MYO1F: variants seen among roughly 807,000 people sequenced by gnomAD.
The protein encoded by MYO1F is myosin IF.
A neutral mutation model predicts 146.6 loss-of-function variants in MYO1F; 60 were observed. That is an observed-to-expected ratio of 0.41 (90% CI 0.33 to 0.51). The LOEUF is 0.51. Ranked by LOEUF, MYO1F falls within the 20% of genes least tolerant of loss-of-function variation. The probability of loss-of-function intolerance (pLI) is 0.25; values close to 1 mark genes in which losing one functional copy is unlikely to be tolerated. For synonymous variants in MYO1F, 602 were observed against 602.1 expected (o/e 1.00, Z 0.00); for missense variants, 1,274 against 1,534.3 (o/e 0.83, Z 2.83).
intron 1 of MYO1F, among the ~76,000 whole-genome samples, chr19:8,570,047 C>T (rs2042080020): frequency 1.3e-5 from 2 of 151,992 alleles, no homozygotes; most frequent in African/African-American, 2.4e-5. Flanking sequence ...GCTGGGACCA[C>T]AGGTGCATAC....
intron 16 of MYO1F, among the ~76,000 whole-genome samples, chr19:8,537,653 T>G (rs188053696): frequency 4.5e-4 from 68 of 152,186 alleles, no homozygotes; most frequent in African/African-American, 1.6e-3. Flanking sequence ...AGGCTGGTCA[T>G]GAACTCCTGA....
Position 8,550,594 on chromosome 19 carries a change from T to A in MYO1F, c.872A>T (p.Asp291Val), listed in dbSNP as rs1165114478. 6.2e-7 allele frequency: 1 copy of A among 1,614,106 alleles called. No individual in the cohort carries two copies. The highest frequency in any genetic ancestry group is 1.7e-5 in the Admixed American group (1 of 60,006). The change falls in exon 9 of 28, where the codon GAC (aspartate) becomes GTC (valine). Residue 291 changes from aspartate (D) to valine (V), a missense_variant. Physicochemically the swap from Asp to Val is radical, Grantham distance 152. Transcript: ENST00000644032. ...ACTCTCCACTCGGGCGTAATTCCCGTCTTCACAGAAACTGATGTTCCCCAG... is the reference window on the plus strand; with the variant it reads ...ACTCTCCACTCGGGCGTAATTCCCGACTTCACAGAAACTGATGTTCCCCAG... ...LHLGNISFCE[D>V]GNYARVESVD...
At chr19:8,552,237 T>C in intron 6 of MYO1F, 73 bp from the exon 7 acceptor site, 1 of 1,503,772 alleles carries the variant, frequency 6.6e-7, no homozygotes, top group Non-Finnish European at 9.2e-7. Context: ...GGGATGGGTC[T>C]TATGAGCCTT....
chr19:8,556,016 A>T (rs1011819269), intron 1 of MYO1F, among the ~76,000 whole-genome samples: 2 of 146,854 alleles, frequency 1.4e-5, no homozygotes, highest in African/African-American at 5.0e-5. Context: ...ATTTTTTTTT[A>T]ATTTTTAATT....
chr19:8,567,855 A>G (rs1380910957), intron 1 of MYO1F, among the ~76,000 whole-genome samples: 1 of 151,990 alleles, frequency 6.6e-6, no homozygotes, highest in Non-Finnish European at 1.5e-5. Context: ...CATGTCTACA[A>G]TTTCCCCTTT....
chr19:8,566,270 C>G (rs539831155), intron 1 of MYO1F, among the ~76,000 whole-genome samples: 4 of 148,526 alleles, frequency 2.7e-5, no homozygotes, highest in African/African-American at 9.9e-5. Context: ...CGGGTTCACG[C>G]CATTCTCCTG....
chr19:8,522,152 A>G (rs1418295285), intron 27 of MYO1F, among the ~76,000 whole-genome samples: 1 of 150,228 alleles, frequency 6.7e-6, no homozygotes, highest in Non-Finnish European at 1.5e-5. Flanking sequence ...CCTCCCGAGT[A>G]GCTGGGACTA....
chr19:8,570,372 ATT>A (rs374201524), intron 1 of MYO1F, among the ~76,000 whole-genome samples: 1 of 143,594 alleles, frequency 7.0e-6, no homozygotes, highest in African/African-American at 2.6e-5. Flanking sequence ...ACCCAGCCAC[ATT>A]TTTTTTTTTA....
At chr19:8,534,212 G>A (rs117378928) in intron 19 of MYO1F, among the ~76,000 whole-genome samples, 1 of 151,688 alleles carries the variant, frequency 6.6e-6, no homozygotes, top group Non-Finnish European at 1.5e-5. Context: ...CAACATGAAT[G>A]CATTTTTGGT....
At chr19:8,531,573 C>T (rs12462590) in intron 19 of MYO1F, among the ~76,000 whole-genome samples, 3,514 of 152,170 alleles carry the variant, frequency 0.023, 116 homozygotes, top group East Asian at 0.12. Flanking sequence ...TTATCTTCCT[C>T]CAAATGACTG....
At chr19:8,543,648 GTGGTGC>G (rs1248544501) in intron 14 of MYO1F, among the ~76,000 whole-genome samples, 3 of 142,022 alleles carry the variant, frequency 2.1e-5, no homozygotes, top group African/African-American at 8.1e-5. Flanking sequence ...GGTGGTGGTG[GTGGTGC>G]TGGTGGTGGT....
intron 27 of MYO1F, 63 bp from the exon 28 acceptor site, chr19:8,521,667 G>T: frequency 2.0e-6 from 3 of 1,492,254 alleles, no homozygotes; most frequent in Non-Finnish European, 2.8e-6. Context: ...CTCATGCCTG[G>T]TCTGTCCATC....
chr19:8,568,443 AAATT>A (rs2042048902), intron 1 of MYO1F, among the ~76,000 whole-genome samples: 1 of 151,300 alleles, frequency 6.6e-6, no homozygotes, highest in Non-Finnish European at 1.5e-5. Flanking sequence ...AAAAAAAAAA[AAATT>A]AATCACAGGC....
At position 8,543,948 on chromosome 19, in the gene MYO1F, CTGGTGGTGG is replaced by C. The variant is rs202093600; in HGVS notation, c.1524+340_1524+348del. 131 of 59,718 alleles carry C rather than the reference CTGGTGGTGG, an allele frequency of 2.2e-3. 4 individuals carry two copies. Among genetic ancestry groups the C allele is most frequent in the East Asian group, 0.017 (35 of 2,064 alleles). The allele number at this position is 59,718 out of a possible 1,614,324, so 3.7% of individuals were successfully genotyped here. ...GGTGGTGGTGGTGGTGCTGGTGGTG[CTGGTGGTGG>C]TGGTGGTGGTGGTGCTGGTGCTGGT... On this transcript the variant is annotated intron_variant, in intron 14 of 27. Coordinates refer to ENST00000644032, the MANE Select transcript of MYO1F (RefSeq NM_012335.4).
chr19:8,532,782 G>A (rs770549227), intron 19 of MYO1F, among the ~76,000 whole-genome samples: 1 of 151,844 alleles, frequency 6.6e-6, no homozygotes, highest in African/African-American at 2.4e-5. Context: ...CAGCTATTCC[G>A]GAGGGTGAGG....
At chr19:8,572,531 G>T (rs782741929) in intron 1 of MYO1F, among the ~76,000 whole-genome samples, 1 of 151,860 alleles carries the variant, frequency 6.6e-6, no homozygotes, top group Non-Finnish European at 1.5e-5. Context: ...GCCTCCTAAA[G>T]TGCTGGGATT....
chr19:8,566,843 A>C (rs1411838999), intron 1 of MYO1F, among the ~76,000 whole-genome samples: 1 of 151,516 alleles, frequency 6.6e-6, no homozygotes, highest in African/African-American at 2.4e-5. Flanking sequence ...ATATTAAATA[A>C]TATATGTTTA....
chr19:8,567,646 C>T (rs1322810625), intron 1 of MYO1F, among the ~76,000 whole-genome samples: 1 of 152,188 alleles, frequency 6.6e-6, no homozygotes, highest in Non-Finnish European at 1.5e-5. Flanking sequence ...CGTGAGCCAC[C>T]GCACCCATCC....
At chr19:8,545,796 C>A (rs1477536757) in intron 12 of MYO1F, 60 bp from the exon 13 acceptor site, 66 of 1,157,344 alleles carry the variant, frequency 5.7e-5, no homozygotes, top group Non-Finnish European at 7.6e-5. Context: ...CACCCTTCCC[C>A]CCATGTCCTC....
Sources: gnomAD v4.1 joint callset for allele counts (sites outside exome capture counted in the v4.1 genomes callset) on GRCh38, gnomAD v4.1.1 for gene constraint, MANE v1.5 for transcripts, NCBI Gene and HGNC (gene_info 2026-07-23, HGNC 2026-07-21) for gene names.